Variants in PGPEP1 observed in about 807,000 individuals in gnomAD.
PGPEP1 encodes pyroglutamyl-peptidase I.
A neutral mutation model predicts 24.1 loss-of-function variants in PGPEP1; 15 were observed. The ratio of observed to expected loss-of-function variants is 0.62; its 90% confidence interval spans 0.42 to 0.96. The LOEUF (loss-of-function observed/expected upper bound fraction) is 0.96. PGPEP1 is among the 40% of genes least tolerant of loss of function. The pLI, the probability that PGPEP1 is intolerant of heterozygous loss-of-function variation, is 0.00. For missense variants in PGPEP1, 242 were observed against 273.4 expected, an observed-to-expected ratio of 0.89 and a Z score of 0.81; for synonymous variants, 122 against 116.4, an observed-to-expected ratio of 1.05 and a Z score of -0.31.
chr19:18,343,638 G>A (rs1459504498), intron 2 of PGPEP1, among the ~76,000 whole-genome samples: 3 of 150,456 alleles, frequency 2.0e-5, no homozygotes, highest in Non-Finnish European at 4.4e-5. Flanking sequence ...TGGTGCTGGC[G>A]TCTACTTTAC....
At position 18,343,023 on chromosome 19, in the gene PGPEP1, G is replaced by A. The variant is rs551972411; in HGVS notation, c.87+112G>A. The A allele has an allele frequency of 2.7e-4, 199 of 731,754 alleles. No individual in the cohort carries two copies. In the Middle Eastern group the frequency reaches 4.5e-3, roughly 17 times the overall value. 45.3% of individuals were successfully genotyped at this position (731,754 alleles called of 1,614,324 possible). A position where few individuals can be genotyped will look rare whatever the true frequency, so the allele number is the denominator to read the frequency against. ...AAAAACTTTTTTTTTTTTTTGAGAC[G>A]AAATCTTACTCTGTCACCCAGGCTG... On this transcript the variant is annotated intron_variant, in intron 2 of 4. Transcript: ENST00000269919.
At position 18,363,033 on chromosome 19, in the gene PGPEP1, T is replaced by TTGTG. The variant is rs201259409; in HGVS notation, c.438-326_438-323dup. On this transcript the variant is annotated intron_variant, in intron 4 of 4. Coordinates refer to ENST00000269919, the MANE Select transcript of PGPEP1 (RefSeq NM_017712.4). ...CTGGGAGTTATCAAGTTTTTTTTGTTTGTGTGTGTGTGTGTGTGTGTGTGT... is the reference window on the plus strand; with the variant it reads ...CTGGGAGTTATCAAGTTTTTTTTGTTTGTGTGTGTGTGTGTGTGTGTGTGTGTGT... Among the ~76,000 whole-genome samples, 779 of 136,774 alleles carry TTGTG rather than the reference T, an allele frequency of 5.7e-3. 7 individuals carry two copies. The highest frequency in any genetic ancestry group is 0.014 in the African/African-American group (503 of 36,438). The allele number at this position is 136,774 out of a possible 152,430, so 89.7% of individuals were successfully genotyped here. A position where few individuals can be genotyped will look rare whatever the true frequency, so the allele number is the denominator to read the frequency against.
chr19:18,363,061 G>GTGTGTGTT (rs772495419), intron 4 of PGPEP1, among the ~76,000 whole-genome samples: 2 of 151,538 alleles, frequency 1.3e-5, no homozygotes, highest in Non-Finnish European at 2.9e-5. Flanking sequence ...GTGTGTGTGT[G>GTGTGTGTT]TGTGTGTTTT....
At chr19:18,342,972 G>A in intron 2 of PGPEP1, 61 bp downstream of exon 2, 1 of 1,315,706 alleles carries the variant, frequency 7.6e-7, no homozygotes, top group Non-Finnish European at 1.1e-6. Flanking sequence ...AGAAAGTTAT[G>A]GCATCCAAGA....
At chr19:18,349,373 C>T (rs1010481127) in intron 2 of PGPEP1, among the ~76,000 whole-genome samples, 1 of 151,740 alleles carries the variant, frequency 6.6e-6, no homozygotes, top group Non-Finnish European at 1.5e-5. Context: ...GTTGGCCAGG[C>T]TGATCTTGAA....
intron 3 of PGPEP1, 103 bp downstream of exon 3, chr19:18,356,114 C>T: frequency 1.4e-6 from 1 of 724,026 alleles, no homozygotes; most frequent in Admixed American, 1.8e-5. Flanking sequence ...ATCACGTGAC[C>T]AATGCCATAC....
At chr19:18,342,408 G>A (rs1411340973) in intron 1 of PGPEP1, among the ~76,000 whole-genome samples, 1 of 152,184 alleles carries the variant, frequency 6.6e-6, no homozygotes, top group African/African-American at 2.4e-5. Flanking sequence ...TTTTGGAAAG[G>A]GGGCCTGGAG....
intron 3 of PGPEP1, 66 bp from the exon 4 acceptor site, chr19:18,357,317 C>G (rs1042286090): frequency 4.6e-5 from 56 of 1,217,718 alleles, no homozygotes; most frequent in Non-Finnish European, 6.7e-5. Context: ...TTTTCCCTGG[C>G]CTCAGGGGGA....
chr19:18,353,390 T>C (rs1364066063), intron 2 of PGPEP1, among the ~76,000 whole-genome samples: 2 of 151,958 alleles, frequency 1.3e-5, no homozygotes, highest in Non-Finnish European at 2.9e-5. Flanking sequence ...TCCAGCTAAT[T>C]TGTATTTTCG....
In PGPEP1 at chr19:18,357,370, T is replaced by G; in HGVS notation, c.205-13T>G. 6.2e-7 allele frequency: 1 copy of G among 1,608,234 alleles called. No homozygotes were observed. Among genetic ancestry groups the G allele is most frequent in the Non-Finnish European group, 8.5e-7 (1 of 1,175,714 alleles). On this transcript the variant is annotated splice_polypyrimidine_tract_variant and intron_variant, in intron 3 of 4. Coordinates refer to ENST00000269919, the MANE Select transcript of PGPEP1 (RefSeq NM_017712.4). Reference sequence around the variant, plus strand: ...GGCAGGCCATGTTAAGTCCTGCCCCTGTCTGTGTGCAGCTGGTGGTGCATG... The same window carrying G: ...GGCAGGCCATGTTAAGTCCTGCCCCGGTCTGTGTGCAGCTGGTGGTGCATG...
rs1278336075 is a variant in PGPEP1 at position 18,363,778 on chromosome 19, T to A, written c.*195T>A. On this transcript the variant is annotated 3_prime_UTR_variant, in exon 5 of 5. Coordinates refer to ENST00000269919, the MANE Select transcript of PGPEP1 (RefSeq NM_017712.4). ...TTGATTCGAGGGAAGTGGTGAAAATTTTTTTTTCTCCCATTTTCCTCCCTG... is the reference window on the plus strand; with the variant it reads ...TTGATTCGAGGGAAGTGGTGAAAATATTTTTTTCTCCCATTTTCCTCCCTG... 1.6e-5 allele frequency: 8 copies of A among 491,536 alleles called. No homozygotes were observed. Among genetic ancestry groups the A allele is most frequent in the Non-Finnish European group, 2.5e-5 (7 of 277,580 alleles). The allele number at this position is 491,536 out of a possible 1,614,324, so 30.4% of individuals were successfully genotyped here.
chr19:18,344,144 G>C (rs1970763084), intron 2 of PGPEP1, among the ~76,000 whole-genome samples: 1 of 124,246 alleles, frequency 8.0e-6, no homozygotes, highest in African/African-American at 2.6e-5. Flanking sequence ...GGGGTGGCAG[G>C]GGAACATATC....
At chr19:18,346,037 A>C (rs1748927884) in intron 2 of PGPEP1, among the ~76,000 whole-genome samples, 1 of 150,202 alleles carries the variant, frequency 6.7e-6, no homozygotes, top group South Asian at 2.1e-4. Flanking sequence ...GGCCAGGTCA[A>C]GATCTCGAAC....
chr19:18,356,042 A>T (rs776632579), intron 3 of PGPEP1, 31 bp downstream of exon 3: 22 of 1,348,666 alleles, frequency 1.6e-5, no homozygotes, highest in Non-Finnish European at 2.3e-5. Flanking sequence ...GCACTTCCTC[A>T]TCAGGACTTA....
rs8106658 is a variant in PGPEP1, at chr19:18,359,337, G to A, written c.437+1722G>A. Among the ~76,000 whole-genome samples, 1,012 of 151,948 alleles carry A rather than the reference G, an allele frequency of 6.7e-3. 7 individuals are homozygous for A. The highest frequency in any genetic ancestry group is 8.8e-3 in the Non-Finnish European group (596 of 67,960). On this transcript the variant is annotated intron_variant, in intron 4 of 4. Transcript: ENST00000269919. ...AAATTCCAACCCTGGCCCTTGGCCC[G>A]CCTCTCCACCCCGCTCTGCCTCTAC... is the stretch of plus-strand genomic sequence containing the variant.
chr19:18,343,977 C>G (rs576504723), intron 2 of PGPEP1, among the ~76,000 whole-genome samples: 4 of 152,222 alleles, frequency 2.6e-5, no homozygotes, highest in African/African-American at 9.6e-5. Flanking sequence ...AGCCACTACC[C>G]CCGGCCAGGA....
intron 2 of PGPEP1, among the ~76,000 whole-genome samples, chr19:18,345,479 G>A (rs528067069): frequency 1.3e-5 from 2 of 151,642 alleles, no homozygotes; most frequent in South Asian, 2.1e-4. Flanking sequence ...GATGGCTCAC[G>A]CTTGTAATCC....
At chr19:18,359,656 C>T (rs537536538) in intron 4 of PGPEP1, among the ~76,000 whole-genome samples, 8 of 152,136 alleles carry the variant, frequency 5.3e-5, no homozygotes, top group South Asian at 4.1e-4. Flanking sequence ...TACAGGCGTG[C>T]GCCATCATTC....
rs975177535 is a variant in PGPEP1, at chr19:18,343,759, C to G, written c.87+848C>G. 3.4e-5 allele frequency among the ~76,000 whole-genome samples: 5 copies of G among 147,830 alleles called. No homozygotes were observed. In the South Asian group the frequency reaches 1.1e-3, roughly 32 times the overall value. On this transcript the variant is annotated intron_variant, in intron 2 of 4. Coordinates refer to ENST00000269919, the MANE Select transcript of PGPEP1 (RefSeq NM_017712.4). ...AGTGCAGTGGCGCGATCTTGGCTCA[C>G]TGCAACCTTGCCTTCTGGGTTCAAG... is the stretch of plus-strand genomic sequence containing the variant.
Sources: gnomAD v4.1 joint callset for allele counts (sites outside exome capture counted in the v4.1 genomes callset) on GRCh38, gnomAD v4.1.1 for gene constraint, MANE v1.5 for transcripts, NCBI Gene and HGNC (gene_info 2026-07-23, HGNC 2026-07-21) for gene names.